DOCK3: variants seen among roughly 807,000 people sequenced by gnomAD.
The protein encoded by DOCK3 is dedicator of cytokinesis protein 3.
In DOCK3, 60 loss-of-function variants were observed where a neutral mutation model predicts 265.6. The ratio of observed to expected loss-of-function variants is 0.23; its 90% CI spans 0.18 to 0.28. The LOEUF (loss-of-function observed/expected upper bound fraction) is 0.28, where lower values mean the gene tolerates loss of function less well. Among genes scored for constraint, DOCK3 ranks in the 10% least tolerant of loss-of-function variants. DOCK3 has a pLI of 1.00. For synonymous variants in DOCK3, 881 were observed against 938.0 expected (o/e 0.94, Z 1.11); for missense variants, 1,981 against 2,594.3 (o/e 0.76, Z 5.14).
rs2088591870 is a variant in DOCK3, at chr3:51,381,032, C to G, written c.5584-18C>G. 1 of 1,565,394 alleles carries G rather than the reference C, an allele frequency of 6.4e-7. No individual in the cohort carries two copies. Among genetic ancestry groups the G allele is most frequent in the Non-Finnish European group, 8.7e-7 (1 of 1,153,914 alleles). ...TCTGGAGAGAGGGATTCTAACATGC[C>G]CACCCTTTCCTTCGCAGTCTCCTCT... On this transcript the variant is annotated intron_variant, in intron 52 of 52. Transcript: ENST00000266037. This position sits in a 1 kb window ranked among gnomAD's most constrained non-coding sequence, Gnocchi z 5.6.
chr3:51,371,451 C>T (rs551697039), intron 49 of DOCK3, among the ~76,000 whole-genome samples: 2 of 152,360 alleles, frequency 1.3e-5, no homozygotes, highest in Non-Finnish European at 2.9e-5. Context: ...GCAGGTCCTA[C>T]ATCTATCAAG....
rs574820348 is a variant in DOCK3 at position 50,736,294 on chromosome 3, CTA to C, written c.38-42379_38-42378del. Among the ~76,000 whole-genome samples the C allele has an allele frequency of 3.2e-3, 492 of 152,300 alleles. 7 individuals carry two copies. Among genetic ancestry groups the C allele is most frequent in the African/African-American group, 0.011 (449 of 41,554 alleles). ...ATGTGCCACATTTTCTTAATCCAGTCTATCATTGATGGACATTTGGGTTGGTT... is the reference window on the plus strand; with the variant it reads ...ATGTGCCACATTTTCTTAATCCAGTCTCATTGATGGACATTTGGGTTGGTT... On this transcript the variant is annotated intron_variant, in intron 1 of 52. Transcript: ENST00000266037.
intron 5 of DOCK3, among the ~76,000 whole-genome samples, chr3:51,057,983 A>G (rs1005422720): frequency 1.3e-5 from 2 of 152,138 alleles, no homozygotes; most frequent in Non-Finnish European, 2.9e-5. Flanking sequence ...TAAAATAACT[A>G]TATTTTTCAT....
At chr3:51,066,338 A>G (rs1560013322) in intron 6 of DOCK3, among the ~76,000 whole-genome samples, 2 of 152,218 alleles carry the variant, frequency 1.3e-5, no homozygotes, top group Non-Finnish European at 2.9e-5. Context: ...ACAAAAACTC[A>G]CAACGAGGCA....
chr3:51,177,477 G>GA (rs989301878), intron 12 of DOCK3, among the ~76,000 whole-genome samples: 2 of 152,106 alleles, frequency 1.3e-5, no homozygotes, highest in Non-Finnish European at 2.9e-5. Context: ...CAAACTATAG[G>GA]AAAAATTTGG....
chr3:50,903,465 C>A (rs2049309504), intron 4 of DOCK3, among the ~76,000 whole-genome samples: 1 of 152,138 alleles, frequency 6.6e-6, no homozygotes, highest in Non-Finnish European at 1.5e-5. Flanking sequence ...TGCTTAATTA[C>A]ATTTATTGAT....
intron 22 of DOCK3, among the ~76,000 whole-genome samples, chr3:51,254,629 CT>C (rs1239877317): frequency 6.6e-6 from 1 of 151,998 alleles, no homozygotes; most frequent in African/African-American, 2.4e-5. Context: ...TAATGGCCTT[CT>C]TTATCTCTTT....
intron 1 of DOCK3, among the ~76,000 whole-genome samples, chr3:50,756,534 C>T (rs1255888707): frequency 6.6e-6 from 1 of 151,966 alleles, no homozygotes; most frequent in Non-Finnish European, 1.5e-5. Flanking sequence ...CATGTGTGTA[C>T]AGGTTTTTAT....
At chr3:50,762,107 G>A (rs1337033710) in intron 1 of DOCK3, among the ~76,000 whole-genome samples, 1 of 152,124 alleles carries the variant, frequency 6.6e-6, no homozygotes, top group Non-Finnish European at 1.5e-5. Flanking sequence ...GGCCTGTTGT[G>A]GGGTGGGGGC....
chr3:50,881,813 T>G (rs2048042989), intron 3 of DOCK3, among the ~76,000 whole-genome samples: 1 of 152,096 alleles, frequency 6.6e-6, no homozygotes, highest in East Asian at 1.9e-4. Context: ...GCCCAGACAA[T>G]CCTCAGCCAA....
At chr3:51,267,442 T>C (rs1319289840) in intron 23 of DOCK3, among the ~76,000 whole-genome samples, 1 of 150,620 alleles carries the variant, frequency 6.6e-6, no homozygotes, top group Non-Finnish European at 1.5e-5. Flanking sequence ...TGGAGTGCAA[T>C]GGAGCGATCC....
At chr3:50,764,787 A>C (rs2040761362) in intron 1 of DOCK3, among the ~76,000 whole-genome samples, 1 of 152,172 alleles carries the variant, frequency 6.6e-6, no homozygotes, top group Admixed American at 6.5e-5. Context: ...ATCTCTTAAA[A>C]ATTTTTTAAA....
intron 10 of DOCK3, among the ~76,000 whole-genome samples, chr3:51,147,275 C>T (rs1043490565): frequency 1.3e-5 from 2 of 152,210 alleles, no homozygotes; most frequent in African/African-American, 4.8e-5. Context: ...AGTTCATATA[C>T]AGCAAGACAA....
intron 2 of DOCK3, among the ~76,000 whole-genome samples, chr3:50,786,222 A>T (rs1010313594): frequency 6.6e-6 from 1 of 152,138 alleles, no homozygotes; most frequent in African/African-American, 2.4e-5. Context: ...CTAATGGTCT[A>T]TCAGTGTTAT....
intron 5 of DOCK3, among the ~76,000 whole-genome samples, chr3:50,984,537 A>C (rs2077822727): frequency 6.6e-6 from 1 of 152,178 alleles, no homozygotes; most frequent in East Asian, 1.9e-4. Context: ...TGCACTTTGA[A>C]TATGCCATCC....
chr3:51,215,715 G>C (rs1218952241), intron 14 of DOCK3, among the ~76,000 whole-genome samples: 5 of 152,122 alleles, frequency 3.3e-5, no homozygotes, highest in African/African-American at 7.2e-5. Flanking sequence ...TCTCTCCATA[G>C]ACACTGTAAA....
At chr3:50,913,802 A>G (rs1363262227) in intron 4 of DOCK3, among the ~76,000 whole-genome samples, 1 of 152,014 alleles carries the variant, frequency 6.6e-6, no homozygotes, top group African/African-American at 2.4e-5. Context: ...TCTCTGTACT[A>G]CTGCTGGGGG....
intron 3 of DOCK3, among the ~76,000 whole-genome samples, chr3:50,871,253 A>T (rs1233436467): frequency 1.3e-5 from 2 of 148,388 alleles, no homozygotes; most frequent in African/African-American, 4.9e-5. Flanking sequence ...TTTCTCCTTC[A>T]TGTTTTAAGT....
At chr3:51,184,224 T>C (rs887690043) in intron 12 of DOCK3, among the ~76,000 whole-genome samples, 8 of 151,238 alleles carry the variant, frequency 5.3e-5, no homozygotes, top group Admixed American at 2.6e-4. Context: ...GGCAGGAGAA[T>C]CGCTTGTACC....
Sources: allele counts gnomAD v4.1 joint callset (sites outside exome capture counted in the v4.1 genomes callset), GRCh38; gene constraint gnomAD v4.1.1; non-coding constraint Gnocchi (gnomAD v3.1); transcripts MANE v1.5; gene names NCBI Gene and HGNC (gene_info 2026-07-23, HGNC 2026-07-21).